The following APOD variants were observed in gnomAD, a reference collection of about 807,000 sequenced individuals.
APOD encodes the protein apo-D.
APOD carries 22 observed loss-of-function variants against 20.4 expected under a neutral mutation model. That is an observed-to-expected ratio of 1.08 (90% confidence interval 0.77 to 1.54). The LOEUF (loss-of-function observed/expected upper bound fraction) is 1.54, where lower values mean the gene tolerates loss of function less well. Ranked by LOEUF, APOD falls within the 40% of genes most tolerant of loss-of-function variation. The pLI is 0.00. For synonymous variants in APOD, 97 were observed against 92.4 expected, an observed-to-expected ratio of 1.05 and a Z score of -0.29; for missense variants, 223 against 229.6, an observed-to-expected ratio of 0.97 and a Z score of 0.19.
intron 1 of APOD, among the ~76,000 whole-genome samples, chr3:195,580,961 C>T (rs926173841): frequency 4.6e-5 from 7 of 152,218 alleles, no homozygotes; most frequent in Non-Finnish European, 8.8e-5. Context: ...GTAGCTTGCA[C>T]ACGAGCTATT....
rs1553889309 is a variant in APOD at position 195,568,837 on chromosome 3, G to GAGGGT, written c.*62_*63insACCCT. 15 of 983,028 alleles carry GAGGGT rather than the reference G, an allele frequency of 1.5e-5. No individual in the cohort carries two copies. The South Asian group carries it at 1.8e-4, about 12-fold the overall frequency. The allele number at this position is 983,028 out of a possible 1,614,324, so 60.9% of individuals were successfully genotyped here. On this transcript the variant is annotated 3_prime_UTR_variant, in exon 5 of 5. Transcript: ENST00000343267. ...GTTGATTGGTTTGTCTTTATGGGGG[G>GAGGGT]GGGGTAGGGGAAAGCGAAGCAGAAG...
At chr3:195,577,410 A>T (rs1326218935) in intron 2 of APOD, among the ~76,000 whole-genome samples, 1 of 152,230 alleles carries the variant, frequency 6.6e-6, no homozygotes, top group African/African-American at 2.4e-5. Context: ...GTACTCCCCA[A>T]ATTGATCTTC....
Position 195,575,101 on chromosome 3 carries a change from G to C in APOD, c.124-1130C>G, listed in dbSNP as rs1720227287. Among the ~76,000 whole-genome samples the C allele has an allele frequency of 2.0e-5, 3 of 152,306 alleles. No individual in the cohort carries two copies. The South Asian group carries it at 6.2e-4, about 32-fold the overall frequency. On this transcript the variant is annotated intron_variant, in intron 2 of 4. Transcript: ENST00000343267. Reference sequence around the variant, plus strand: ...CTCTGGGAGCTCTAGGGGAGGATCAGTTTCCTTGCCTTTTCCAAGTTCTAC... The same window carrying C: ...CTCTGGGAGCTCTAGGGGAGGATCACTTTCCTTGCCTTTTCCAAGTTCTAC...
At chr3:195,574,078 A>G in intron 2 of APOD, 107 bp from the exon 3 acceptor site, 1 of 1,467,652 alleles carries the variant, frequency 6.8e-7, no homozygotes, top group Non-Finnish European at 9.2e-7. Flanking sequence ...AGCCAGACAA[A>G]ATGGGCCTCA....
chr3:195,578,332 C>T (rs1240495830), intron 2 of APOD, among the ~76,000 whole-genome samples: 1 of 152,160 alleles, frequency 6.6e-6, no homozygotes, highest in Non-Finnish European at 1.5e-5. Context: ...CCTGTATCTC[C>T]TGATCCCATG....
At chr3:195,576,840 A>G (rs1287200875) in intron 2 of APOD, among the ~76,000 whole-genome samples, 2 of 151,480 alleles carry the variant, frequency 1.3e-5, no homozygotes, top group Admixed American at 6.6e-5. Context: ...ATATATAAAC[A>G]TATTTCTCTA....
rs1187634371 is a variant in APOD, at chr3:195,573,911, T to G, written c.184A>C (p.Ile62Leu). The G allele has an allele frequency of 6.2e-7, 1 of 1,614,218 alleles. No individual in the cohort carries two copies. The highest frequency in any genetic ancestry group is 1.7e-5 in the Admixed American group (1 of 60,024). Residue 62 changes from isoleucine (I) to leucine (L), a missense_variant, in exon 3 of 5, where the codon ATC becomes CTC. Coordinates refer to ENST00000343267, the MANE Select transcript of APOD (RefSeq NM_001647.4). ...IPTTFENGRC[I>L]QANYSLMENG... is the part of the protein sequence containing the mutation. ...TCCATTAGTGAGTAGTTGGCCTGGA[T>G]GCAGCGTCCATTCTCAAAGGTTGTT...
In APOD at chr3:195,572,226, A is replaced by G. The variant is rs375244978; in HGVS notation, c.246-861T>C. On this transcript the variant is annotated intron_variant, in intron 3 of 4. Coordinates refer to ENST00000343267, the MANE Select transcript of APOD (RefSeq NM_001647.4). Reference sequence around the variant, plus strand: ...TCATGTGACATCGCCTGTCCCATCAAGGGGCCTGAGTCCAGAGACTCCCTC... The same window carrying G: ...TCATGTGACATCGCCTGTCCCATCAGGGGGCCTGAGTCCAGAGACTCCCTC... Among the ~76,000 whole-genome samples, 7 of 152,358 alleles carry G rather than the reference A, an allele frequency of 4.6e-5. No individual in the cohort carries two copies. The East Asian group carries it at 1.3e-3, about 29-fold the overall frequency.
chr3:195,572,047 C>T (rs1249340959), intron 3 of APOD, among the ~76,000 whole-genome samples: 1 of 152,230 alleles, frequency 6.6e-6, no homozygotes, highest in Non-Finnish European at 1.5e-5. Flanking sequence ...TCCCAAAGTG[C>T]TGGGATTACA....
At chr3:195,570,660 G>T (rs1720143914) in intron 4 of APOD, 1 of 152,930 alleles carries the variant, frequency 6.5e-6, no homozygotes, top group Non-Finnish European at 1.5e-5. Flanking sequence ...GTGTTAGAAA[G>T]CCTCACAGTT....
At chr3:195,573,347 C>T (rs1720197365) in intron 3 of APOD, among the ~76,000 whole-genome samples, 3 of 152,172 alleles carry the variant, frequency 2.0e-5, no homozygotes, top group Admixed American at 6.5e-5. Flanking sequence ...TAGAAATGTA[C>T]ACTTCTAAAG....
rs141707260 is a variant in APOD, at chr3:195,571,331, C to T, written c.280G>A (p.Ala94Thr). The change falls in exon 4 of 5, where the codon GCC (alanine) becomes ACC (threonine). Residue 94 changes from alanine to threonine, a missense_variant. Coordinates refer to ENST00000343267, the MANE Select transcript of APOD (RefSeq NM_001647.4). ...DGTVNQIEGE[A>T]TPVNLTEPAK... ...GGCTCTGTGAGGTTAACTGGGGTGG[C>T]TTCACCTTCGATTTGATTCACAGTT... The T allele has an allele frequency of 1.2e-6, 2 of 1,613,964 alleles. No homozygotes were observed. Among genetic ancestry groups the T allele is most frequent in the Non-Finnish European group, 1.7e-6 (2 of 1,179,960 alleles).
At chr3:195,569,446 G>GTAT (rs1203733460) in intron 4 of APOD, among the ~76,000 whole-genome samples, 3 of 152,130 alleles carry the variant, frequency 2.0e-5, no homozygotes, top group African/African-American at 7.2e-5. Flanking sequence ...GCTGCTCTGT[G>GTAT]TATTCCCAGG....
chr3:195,571,595 C>G (rs957763074), intron 3 of APOD, among the ~76,000 whole-genome samples: 1 of 151,944 alleles, frequency 6.6e-6, no homozygotes, highest in African/African-American at 2.4e-5. Context: ...AAGAGAGCAG[C>G]GGGGTGATAA....
chr3:195,579,631 C>T (rs1720302378), intron 1 of APOD, 136 bp from the exon 2 acceptor site: 2 of 915,430 alleles, frequency 2.2e-6, no homozygotes, highest in Admixed American at 2.5e-5. Context: ...TGTGAACCCT[C>T]ATCCTGCAGG....
Position 195,568,805 on chromosome 3 carries a change from T to G in APOD, c.*95A>C. The G allele has an allele frequency of 2.4e-6, 2 of 823,096 alleles. No individual in the cohort carries two copies. The highest frequency in any genetic ancestry group is 4.0e-6 in the Non-Finnish European group (2 of 504,212). The allele number at this position is 823,096 out of a possible 1,614,324, so 51.0% of individuals were successfully genotyped here. A position where few individuals can be genotyped will look rare whatever the true frequency, so the allele number is the denominator to read the frequency against. On this transcript the variant is annotated 3_prime_UTR_variant, in exon 5 of 5. Transcript: ENST00000343267. ...GTTACATGTTCAGGTCAACTTCCTT[T>G]GTCGTGGTTGATTGGTTTGTCTTTA...
chr3:195,575,332 C>T (rs1271634035), intron 2 of APOD, among the ~76,000 whole-genome samples: 1 of 152,234 alleles, frequency 6.6e-6, no homozygotes, highest in Non-Finnish European at 1.5e-5. Context: ...ATCTGGCCAT[C>T]TCAAGGCTCA....
chr3:195,583,480 C>T (rs913090610), intron 1 of APOD, among the ~76,000 whole-genome samples: 2 of 152,236 alleles, frequency 1.3e-5, no homozygotes, highest in African/African-American at 4.8e-5. Context: ...TTTCTAGTCA[C>T]ACCATTAATT....
Position 195,568,841 on chromosome 3 carries a change from GTA to G in APOD, c.*57_*58del, listed in dbSNP as rs1230301590. On this transcript the variant is annotated 3_prime_UTR_variant, in exon 5 of 5. Coordinates refer to ENST00000343267, the MANE Select transcript of APOD (RefSeq NM_001647.4). ...ATTGGTTTGTCTTTATGGGGGGGGG[GTA>G]GGGGAAAGCGAAGCAGAAGTAACAT... 162 of 995,626 alleles carry G rather than the reference GTA, an allele frequency of 1.6e-4. No individual in the cohort carries two copies. Among genetic ancestry groups the G allele is most frequent in the Admixed American group, 1.2e-3 (54 of 44,394 alleles). 61.7% of individuals were successfully genotyped at this position (995,626 alleles called of 1,614,324 possible).
Sources: allele counts gnomAD v4.1 joint callset (sites outside exome capture counted in the v4.1 genomes callset), GRCh38; gene constraint gnomAD v4.1.1; transcripts MANE v1.5; gene names NCBI Gene and HGNC (gene_info 2026-07-23, HGNC 2026-07-21).